ENPP2: variants seen among roughly 807,000 people sequenced by gnomAD.
ENPP2 encodes ectonucleotide pyrophosphatase/phosphodiesterase 2.
Under a neutral mutation model 120.2 loss-of-function variants are expected in ENPP2, and 51 were observed. The ratio of observed to expected loss-of-function variants is 0.42; its 90% CI spans 0.34 to 0.54. The LOEUF is 0.54. Among genes scored for constraint, ENPP2 ranks in the 20% least tolerant of loss-of-function variants. ENPP2 has a pLI of 0.04. For missense variants in ENPP2, 920 were observed against 1,066.5 expected, an observed-to-expected ratio of 0.86 and a Z score of 1.91; for synonymous variants, 365 against 366.4, an observed-to-expected ratio of 1.00 and a Z score of 0.04.
At chr8:119,619,767 T>A (rs1405763201) in intron 4 of ENPP2, among the ~76,000 whole-genome samples, 1 of 141,826 alleles carries the variant, frequency 7.1e-6, no homozygotes, top group Non-Finnish European at 1.5e-5. Context: ...AAGATTACAA[T>A]AGAAAGATTA....
chr8:119,637,450 T>C (rs952610322), intron 2 of ENPP2, among the ~76,000 whole-genome samples: 1 of 152,212 alleles, frequency 6.6e-6, no homozygotes, highest in South Asian at 2.1e-4. Flanking sequence ...GATTTAGTAT[T>C]CCATCAATGT....
intron 3 of ENPP2, among the ~76,000 whole-genome samples, chr8:119,625,371 A>G (rs889801288): frequency 6.6e-6 from 1 of 152,184 alleles, no homozygotes; most frequent in Non-Finnish European, 1.5e-5. Flanking sequence ...TGTGTTCTGC[A>G]AAAAACAGCC....
At chr8:119,662,240 T>C (rs1272204708) in intron 1 of ENPP2, among the ~76,000 whole-genome samples, 2 of 152,228 alleles carry the variant, frequency 1.3e-5, no homozygotes, top group Non-Finnish European at 2.9e-5. Flanking sequence ...GTTTGTTTTA[T>C]ATGTATACAT....
At chr8:119,618,112 A>G (rs1272972981) in intron 5 of ENPP2, 2 of 346,236 alleles carry the variant, frequency 5.8e-6, no homozygotes, top group Admixed American at 4.1e-5. Flanking sequence ...TTAAGAAGTC[A>G]TGAAACATTT....
At chr8:119,612,547 C>G (rs1332634098) in intron 8 of ENPP2, among the ~76,000 whole-genome samples, 19 of 152,098 alleles carry the variant, frequency 1.2e-4, no homozygotes, top group Admixed American at 6.5e-5. Flanking sequence ...ATTGTACCAC[C>G]AATACTGGCA....
chr8:119,617,747 G>C (rs1418065031), intron 5 of ENPP2, among the ~76,000 whole-genome samples, 184 bp from the exon 6 acceptor site: 1 of 152,070 alleles, frequency 6.6e-6, no homozygotes, highest in African/African-American at 2.4e-5. Context: ...TCAGGAGTTC[G>C]AGACCAGCCT....
chr8:119,586,664 G>C (rs1342621471), intron 14 of ENPP2, among the ~76,000 whole-genome samples: 1 of 151,982 alleles, frequency 6.6e-6, no homozygotes, highest in East Asian at 1.9e-4. Flanking sequence ...GGAGCACATG[G>C]GTTTAGGCTT....
rs1268177163 is a variant in ENPP2 at position 119,621,403 on chromosome 8, C to A, written c.409G>T (p.Val137Phe). The stretch of plus-strand genomic sequence containing the variant: ...CCAAAGAAACACGTACCTTTGCAAA[C>A]CACTTGGTAATTGGTACAGCAGTCT... ...RGDCCTNYQV[V>F]CKGESHWVDD... is the part of the protein sequence containing the mutation. Residue 137 changes from valine (V) to phenylalanine (F), a missense_variant, in exon 4 of 25, where the codon GTT becomes TTT. Transcript: ENST00000075322. The A allele has an allele frequency of 1.9e-6, 3 of 1,613,330 alleles. No homozygotes were observed. The highest frequency in any genetic ancestry group is 8.5e-7 in the Non-Finnish European group (1 of 1,179,434).
intron 21 of ENPP2, among the ~76,000 whole-genome samples, chr8:119,568,932 T>C (rs1814718461): frequency 6.6e-6 from 1 of 152,202 alleles, no homozygotes; most frequent in Admixed American, 6.5e-5. Flanking sequence ...AGATCCCCTC[T>C]ATAGTATTAC....
intron 2 of ENPP2, among the ~76,000 whole-genome samples, chr8:119,628,967 C>T (rs191666713): frequency 1.3e-5 from 2 of 152,284 alleles, no homozygotes; most frequent in Admixed American, 1.3e-4. Flanking sequence ...TCTACAAATT[C>T]ACAGGTAGTT....
intron 5 of ENPP2, among the ~76,000 whole-genome samples, chr8:119,617,765 T>C (rs1268540905): frequency 1.3e-5 from 2 of 152,062 alleles, no homozygotes; most frequent in Non-Finnish European, 2.9e-5. Context: ...CCTGGCAACA[T>C]GGTGAAACCC....
At chr8:119,631,034 ACAGG>A (rs1816629789) in intron 2 of ENPP2, among the ~76,000 whole-genome samples, 2 of 150,246 alleles carry the variant, frequency 1.3e-5, no homozygotes, top group South Asian at 4.2e-4. Context: ...AGCTGGAATA[ACAGG>A]CACCCGCCAC....
chr8:119,571,953 A>G, intron 19 of ENPP2: 1 of 469,700 alleles, frequency 2.1e-6, no homozygotes, highest in Non-Finnish European at 3.8e-6. Flanking sequence ...CACTATTACA[A>G]CACAAGCCTG....
At chr8:119,607,827 C>T (rs1206231774) in intron 9 of ENPP2, 95 bp downstream of exon 9, 1 of 802,970 alleles carries the variant, frequency 1.2e-6, no homozygotes, top group African/African-American at 1.8e-5. Flanking sequence ...TATATTTTCA[C>T]ATTTAACTGA....
intron 1 of ENPP2, among the ~76,000 whole-genome samples, chr8:119,665,083 A>T (rs1818031375): frequency 6.6e-6 from 1 of 152,278 alleles, no homozygotes; most frequent in East Asian, 1.9e-4. Context: ...TTTTATACAG[A>T]CATCAGTCAT....
intron 1 of ENPP2, among the ~76,000 whole-genome samples, chr8:119,658,022 C>T (rs1817816165): frequency 6.6e-6 from 1 of 152,178 alleles, no homozygotes; most frequent in South Asian, 2.1e-4. Flanking sequence ...CAAGTTCCTT[C>T]ACGGCAACAC....
intron 15 of ENPP2, 72 bp from the exon 16 acceptor site, chr8:119,584,121 G>T (rs965578411): frequency 1.9e-6 from 2 of 1,029,018 alleles, no homozygotes; most frequent in Non-Finnish European, 3.0e-6. Context: ...TAATTTCAGG[G>T]TACAAAGAAT....
At chr8:119,564,331 C>T (rs1189859969) in intron 23 of ENPP2, among the ~76,000 whole-genome samples, 1 of 152,028 alleles carries the variant, frequency 6.6e-6, no homozygotes, top group Non-Finnish European at 1.5e-5. Context: ...CATTTATTTA[C>T]CACAAAACCC....
chr8:119,635,597 T>C (rs1212883658), intron 2 of ENPP2, among the ~76,000 whole-genome samples: 1 of 152,214 alleles, frequency 6.6e-6, no homozygotes, highest in Non-Finnish European at 1.5e-5. Context: ...GAAAAAGATG[T>C]CAAACTAAAT....
Sources: allele counts gnomAD v4.1 joint callset (sites outside exome capture counted in the v4.1 genomes callset), GRCh38; gene constraint gnomAD v4.1.1; transcripts MANE v1.5; gene names NCBI Gene and HGNC (gene_info 2026-07-23, HGNC 2026-07-21).